Variants in PTGS2 observed in about 807,000 individuals in gnomAD.
The protein encoded by PTGS2 is prostaglandin-endoperoxide synthase 2, also known as prostaglandin G/H synthase 2.
A neutral mutation model predicts 63.8 loss-of-function variants in PTGS2; 14 were observed. The ratio of observed to expected loss-of-function variants is 0.22; its 90% CI spans 0.14 to 0.34. The LOEUF is 0.34. Ranked by LOEUF, PTGS2 falls within the 10% of genes least tolerant of loss-of-function variation. PTGS2 has a pLI of 1.00. For missense variants in PTGS2, 533 were observed against 738.5 expected, an observed-to-expected ratio of 0.72 and a Z score of 3.23; for synonymous variants, 271 against 259.5, an observed-to-expected ratio of 1.04 and a Z score of -0.43.
chr1:186,674,324 A>G lies in PTGS2; in HGVS notation c.*29T>C, dbSNP rs778122608. Reference sequence around the variant, plus strand: ...AATTAAATTAATAGACATGGTTCATATAAATAAATAAATATGATCATTAGA... The same window carrying G: ...AATTAAATTAATAGACATGGTTCATGTAAATAAATAAATATGATCATTAGA... On this transcript the variant is annotated 3_prime_UTR_variant, in exon 10 of 10. Transcript: ENST00000367468. The G allele has an allele frequency of 7.3e-7, 1 of 1,362,762 alleles. No homozygotes were observed. The highest frequency in any genetic ancestry group is 1.5e-5 in the African/African-American group (1 of 67,674). The allele number at this position is 1,362,762 out of a possible 1,614,324, so 84.4% of individuals were successfully genotyped here. A position where few individuals can be genotyped will look rare whatever the true frequency, so the allele number is the denominator to read the frequency against.
At position 186,673,992 on chromosome 1, in the gene PTGS2, A is replaced by G. The variant is rs1268131177; in HGVS notation, c.*361T>C. On this transcript the variant is annotated 3_prime_UTR_variant, in exon 10 of 10. Coordinates refer to ENST00000367468, the MANE Select transcript of PTGS2 (RefSeq NM_000963.4). ...ATGCATCATGGAAGATGCATTGGAAACATCGACAGTGTAAAAACTTTCAGC... is the reference window on the plus strand; with the variant it reads ...ATGCATCATGGAAGATGCATTGGAAGCATCGACAGTGTAAAAACTTTCAGC... 6.5e-6 allele frequency: 1 copy of G among 153,670 alleles called. No individual in the cohort carries two copies. The highest frequency in any genetic ancestry group is 1.5e-5 in the Non-Finnish European group (1 of 68,748). The allele number at this position is 153,670 out of a possible 1,614,324, so 9.5% of individuals were successfully genotyped here. A position where few individuals can be genotyped will look rare whatever the true frequency, so the allele number is the denominator to read the frequency against.
rs1373484287 is a variant in PTGS2 at position 186,673,877 on chromosome 1, T to G, written c.*476A>C. 6.6e-6 allele frequency: 1 copy of G among 152,298 alleles called. No homozygotes were observed. Among genetic ancestry groups the G allele is most frequent in the Non-Finnish European group, 1.5e-5 (1 of 68,034 alleles). 9.4% of individuals were successfully genotyped at this position (152,298 alleles called of 1,614,324 possible). On this transcript the variant is annotated 3_prime_UTR_variant, in exon 10 of 10. Coordinates refer to ENST00000367468, the MANE Select transcript of PTGS2 (RefSeq NM_000963.4). ...TTACTGGTAATGTCTAATTTAAATA[T>G]TCATTTAATAATGCACTGATACCTG... is the stretch of plus-strand genomic sequence containing the variant.
In PTGS2 at chr1:186,675,621, G is replaced by C. The variant is rs573226985; in HGVS notation, c.1258-225C>G. 111 of 623,382 alleles carry C rather than the reference G, an allele frequency of 1.8e-4. 1 individual carries two copies. The highest frequency in any genetic ancestry group is 2.6e-4 in the Non-Finnish European group (99 of 375,430). 38.6% of individuals were successfully genotyped at this position (623,382 alleles called of 1,614,324 possible). On this transcript the variant is annotated intron_variant, in intron 8 of 9. Transcript: ENST00000367468. Reference sequence around the variant, plus strand: ...TTTTTACATTTCAAAAATAACACTAGTATTCAAGCCTAAAATATTTATTCC... The same window carrying C: ...TTTTTACATTTCAAAAATAACACTACTATTCAAGCCTAAAATATTTATTCC...
Position 186,680,270 on chromosome 1 carries a change from C to G in PTGS2, c.21G>C (p.Leu7=). The change falls in exon 1 of 10, where the codon CTG becomes CTC. Residue 7 remains leucine, a synonymous_variant. Transcript: ENST00000367468. The stretch of plus-strand genomic sequence containing the variant: ...GGCTGAGCGCCAGGACCGCGCACAG[C>G]AGCAGGGCGCGGGCGAGCATCGCAG... MLARAL[L]LCAVLALSHT... 6.5e-7 allele frequency: 1 copy of G among 1,545,522 alleles called. No homozygotes were observed. Among genetic ancestry groups the G allele is most frequent in the African/African-American group, 1.4e-5 (1 of 72,946 alleles).
rs1487133579 is a variant in PTGS2 at position 186,676,866 on chromosome 1, C to T, written c.690G>A (p.Leu230=). 1.9e-6 allele frequency: 3 copies of T among 1,610,112 alleles called. No individual in the cohort carries two copies. The highest frequency in any genetic ancestry group is 1.3e-5 in the African/African-American group (1 of 74,826). Residue 230 remains leucine, a synonymous_variant, in exon 6 of 10, where the codon CTG becomes CTA. Transcript: ENST00000367468. ...TCATTTTTCCATCCTTGAAAAGGCG[C>T]AGTTTACGCTGTCTAGCCAGAGTTT... ...YGETLARQRK[L]RLFKDGKMKY...
At position 186,676,588 on chromosome 1, in the gene PTGS2, A is replaced by C. The variant is rs1432645252; in HGVS notation, c.849T>G (p.Gly283=). ...VGQEVFGLVP[G]LMMYATIWLR... ...GCCAGATTGTGGCATACATCATCAG[A>C]CCAGGCACCAGACCAAAGACCTCCT... The change falls in exon 7 of 10, where the codon GGT becomes GGG. Residue 283 remains glycine, a synonymous_variant. Transcript: ENST00000367468. The C allele has an allele frequency of 6.2e-7, 1 of 1,614,142 alleles. No individual in the cohort carries two copies. The highest frequency in any genetic ancestry group is 8.5e-7 in the Non-Finnish European group (1 of 1,180,022).
In PTGS2 at chr1:186,678,181, T is replaced by A; in HGVS notation, c.457+80A>T. ...GCTTTTGTTAATAAATAAATGGTAGTCTAAGGTCAATTTTTTTTTTTGGCA... is the reference window on the plus strand; with the variant it reads ...GCTTTTGTTAATAAATAAATGGTAGACTAAGGTCAATTTTTTTTTTTGGCA... On this transcript the variant is annotated intron_variant, in intron 4 of 9. Coordinates refer to ENST00000367468, the MANE Select transcript of PTGS2 (RefSeq NM_000963.4). 5.0e-6 allele frequency: 7 copies of A among 1,394,680 alleles called. No individual in the cohort carries two copies. In the South Asian group the frequency reaches 9.6e-5, roughly 19 times the overall value. 86.4% of individuals were successfully genotyped at this position (1,394,680 alleles called of 1,614,324 possible).
intron 8 of PTGS2, 84 bp from the exon 9 acceptor site, chr1:186,675,480 G>A (rs1441238192): frequency 1.3e-6 from 2 of 1,481,548 alleles, no homozygotes; most frequent in African/African-American, 2.8e-5. Context: ...TACAAATCAG[G>A]TAAAACTGAA....
At position 186,675,346 on chromosome 1, in the gene PTGS2, A is replaced by C; in HGVS notation, c.1308T>G (p.Ala436=). 6.2e-7 allele frequency: 1 copy of C among 1,614,232 alleles called. No individual in the cohort carries two copies. Among genetic ancestry groups the C allele is most frequent in the Non-Finnish European group, 8.5e-7 (1 of 1,180,044 alleles). The stretch of plus-strand genomic sequence containing the variant: ...TCATCTGCCTGCTCTGGTCAATGGA[A>C]GCCTGTGATACTTTCTGTACTGCGG... ...VPPAVQKVSQ[A]SIDQSRQMKY... Residue 436 remains alanine (A), a synonymous_variant, in exon 9 of 10, where the codon GCT becomes GCG. Transcript: ENST00000367468.
Position 186,678,393 on chromosome 1 carries a change from A to T in PTGS2, c.325T>A (p.Leu109Met), listed in dbSNP as rs1428768336. 2.6e-5 allele frequency: 42 copies of T among 1,596,462 alleles called. No individual in the cohort carries two copies. Among genetic ancestry groups the T allele is most frequent in the Non-Finnish European group, 3.4e-5 (40 of 1,172,724 alleles). ...MSYVLTSRSH[L>M]IDSPPTYNAD... ...TTGTAAGTTGGTGGACTGTCAATCA[A>T]ATGTGATCTGGCTGAAATTTTCAAA... Residue 109 changes from leucine to methionine, a missense_variant, in exon 4 of 10, where the codon TTG becomes ATG. Leu to Met is a conservative substitution (Grantham distance 15). Coordinates refer to ENST00000367468, the MANE Select transcript of PTGS2 (RefSeq NM_000963.4).
intron 2 of PTGS2, 48 bp from the exon 3 acceptor site, chr1:186,679,249 T>C: frequency 1.2e-6 from 2 of 1,612,868 alleles, no homozygotes; most frequent in Non-Finnish European, 1.7e-6. Flanking sequence ...GGACTCATTA[T>C]AAGACACAAA....
At chr1:186,680,140 G>C in intron 1 of PTGS2, 99 bp downstream of exon 1, 1 of 1,512,776 alleles carries the variant, frequency 6.6e-7, no homozygotes, top group South Asian at 1.2e-5. Flanking sequence ...TCTATTCGGA[G>C]AGAAGTCGGA....
rs371762608 is a variant in PTGS2, at chr1:186,676,133, T to C, written c.1022A>G (p.Tyr341Cys). ...TGGGTCAAATTTCAGTTTGAAGTGA[T>C]AGCCACTCAAGTGTTGCACATAATC... Reference protein sequence around the residue: ...IEDYVQHLSGYHFKLKFDPEL... With the variant: ...IEDYVQHLSGCHFKLKFDPEL... Residue 341 changes from tyrosine to cysteine, a missense_variant, in exon 8 of 10, where the codon TAT becomes TGT. By Grantham distance (194) the Tyr-to-Cys change is radical (BLOSUM62 -2). Coordinates refer to ENST00000367468, the MANE Select transcript of PTGS2 (RefSeq NM_000963.4). 1 of 1,614,076 alleles carries C rather than the reference T, an allele frequency of 6.2e-7. No individual in the cohort carries two copies.
intron 4 of PTGS2, 124 bp from the exon 5 acceptor site, chr1:186,677,954 T>A: frequency 1.1e-6 from 1 of 910,316 alleles, no homozygotes; most frequent in Non-Finnish European, 1.6e-6. Flanking sequence ...GATCATAATA[T>A]AAACAACAGT....
rs1321723170 is a variant in PTGS2, at chr1:186,673,164, A to G, written c.*1189T>C. ...ATGCACCTACTGAATTGGCTTCAAG[A>G]CTGAGATAAAATTAATGTGTGAAAT... On this transcript the variant is annotated 3_prime_UTR_variant, in exon 10 of 10. Transcript: ENST00000367468. 6.6e-6 allele frequency: 1 copy of G among 152,158 alleles called. No individual in the cohort carries two copies. Among genetic ancestry groups the G allele is most frequent in the East Asian group, 1.9e-4 (1 of 5,196 alleles). 9.4% of individuals were successfully genotyped at this position (152,158 alleles called of 1,614,324 possible).
rs1156433982 is a variant in PTGS2 at position 186,676,103 on chromosome 1, A to T, written c.1052T>A (p.Leu351Gln). Reference protein sequence around the residue: ...YHFKLKFDPELLFNKQFQYQN... With the variant: ...YHFKLKFDPEQLFNKQFQYQN... ...GTACTGGAATTGTTTGTTGAAAAGTAGTTCTGGGTCAAATTTCAGTTTGAA... is the reference window on the plus strand; with the variant it reads ...GTACTGGAATTGTTTGTTGAAAAGTTGTTCTGGGTCAAATTTCAGTTTGAA... The change falls in exon 8 of 10, where the codon CTA becomes CAA. Residue 351 changes from leucine to glutamine, a missense_variant. Leu to Gln is a moderately radical substitution (Grantham distance 113). Transcript: ENST00000367468. 4 of 1,614,028 alleles carry T rather than the reference A, an allele frequency of 2.5e-6. No homozygotes were observed. The highest frequency in any genetic ancestry group is 3.4e-6 in the Non-Finnish European group (4 of 1,179,984).
chr1:186,677,312 A>T (rs1665798255), intron 5 of PTGS2, among the ~76,000 whole-genome samples: 1 of 152,230 alleles, frequency 6.6e-6, no homozygotes, highest in Admixed American at 6.5e-5. Flanking sequence ...TGAAAGCGGC[A>T]TAATCATGGT....
At position 186,672,676 on chromosome 1, in the gene PTGS2, G is replaced by A. The variant is rs1665709987; in HGVS notation, c.*1677C>T. The A allele has an allele frequency of 6.6e-6, 1 of 152,430 alleles. No individual in the cohort carries two copies. The highest frequency in any genetic ancestry group is 1.5e-5 in the Non-Finnish European group (1 of 67,954). 9.4% of individuals were successfully genotyped at this position (152,430 alleles called of 1,614,324 possible). On this transcript the variant is annotated 3_prime_UTR_variant, in exon 10 of 10. Transcript: ENST00000367468. Reference sequence around the variant, plus strand: ...AAGTATTATCGTCATTATTATTATTGCTGAGAACTACTTAGATATCATTTG... The same window carrying A: ...AAGTATTATCGTCATTATTATTATTACTGAGAACTACTTAGATATCATTTG...
At position 186,676,700 on chromosome 1, in the gene PTGS2, T is replaced by G; in HGVS notation, c.737A>C (p.Glu246Ala). The G allele has an allele frequency of 6.2e-7, 1 of 1,606,774 alleles. No individual in the cohort carries two copies. Among genetic ancestry groups the G allele is most frequent in the Non-Finnish European group, 8.5e-7 (1 of 1,177,120 alleles). The change falls in exon 7 of 10, where the codon GAG becomes GCG. Residue 246 changes from glutamate to alanine, a missense_variant. Transcript: ENST00000367468. Reference sequence around the variant, plus strand: ...ATCTTTGACTGTGGGAGGATACATCTCTCCATCAATTATCTAAAAAAATAA... The same window carrying G: ...ATCTTTGACTGTGGGAGGATACATCGCTCCATCAATTATCTAAAAAAATAA... Reference protein sequence around the residue: ...GKMKYQIIDGEMYPPTVKDTQ... With the variant: ...GKMKYQIIDGAMYPPTVKDTQ...
Sources: gnomAD v4.1 joint callset for allele counts (sites outside exome capture counted in the v4.1 genomes callset) on GRCh38, gnomAD v4.1.1 for gene constraint, MANE v1.5 for transcripts, NCBI Gene and HGNC (gene_info 2026-07-23, HGNC 2026-07-21) for gene names.